Variants in HOOK3 observed in about 807,000 individuals in gnomAD.
HOOK3 encodes the protein hook microtubule tethering protein 3, also known as protein Hook homolog 3.
A neutral mutation model predicts 116.3 loss-of-function variants in HOOK3; 24 were observed. That is an observed-to-expected ratio of 0.21 (90% confidence interval 0.15 to 0.29). The LOEUF is 0.29. Ranked by LOEUF, HOOK3 falls within the 10% of genes least tolerant of loss-of-function variation. The pLI is 1.00. For missense variants in HOOK3, 632 were observed against 830.2 expected (o/e 0.76, Z 2.93); for synonymous variants, 275 against 283.0 (o/e 0.97, Z 0.28).
intron 2 of HOOK3, among the ~76,000 whole-genome samples, chr8:42,920,288 C>CCATT (rs1322259834): frequency 6.6e-6 from 1 of 152,138 alleles, no homozygotes; most frequent in Non-Finnish European, 1.5e-5. Context: ...GAGCCTGCGA[C>CCATT]CATTAATTAA....
intron 15 of HOOK3, among the ~76,000 whole-genome samples, chr8:42,994,212 C>T (rs1405923497): frequency 6.6e-6 from 1 of 152,170 alleles, no homozygotes; most frequent in Non-Finnish European, 1.5e-5. Flanking sequence ...GATGGAGTTT[C>T]ACCATGTTGG....
At chr8:42,912,218 T>C (rs576232566) in intron 2 of HOOK3, among the ~76,000 whole-genome samples, 60 of 152,352 alleles carry the variant, frequency 3.9e-4, no homozygotes, top group African/African-American at 1.3e-3. Context: ...TACATCATTT[T>C]GTAGTTTTAG....
chr8:42,973,512 C>T, intron 12 of HOOK3, 113 bp downstream of exon 12: 1 of 680,146 alleles, frequency 1.5e-6, no homozygotes, highest in Non-Finnish European at 2.3e-6. Flanking sequence ...AATTAGAAAT[C>T]CTATTTATTT....
intron 5 of HOOK3, among the ~76,000 whole-genome samples, chr8:42,945,013 A>G (rs948287527): frequency 1.3e-5 from 2 of 152,242 alleles, no homozygotes; most frequent in African/African-American, 4.8e-5. Flanking sequence ...TTGAAATATG[A>G]GATTAAGAGC....
intron 4 of HOOK3, among the ~76,000 whole-genome samples, chr8:42,938,763 G>A (rs1482488879): frequency 6.6e-6 from 1 of 151,724 alleles, no homozygotes; most frequent in Non-Finnish European, 1.5e-5. Flanking sequence ...GTTTCTCGCA[G>A]AGGGGGATTT....
In HOOK3 at chr8:42,938,759, C is replaced by T. The variant is rs971275960; in HGVS notation, c.268-4554C>T. Among the ~76,000 whole-genome samples the T allele has an allele frequency of 4.6e-5, 7 of 151,242 alleles. No homozygotes were observed. In the East Asian group the frequency reaches 5.8e-4, roughly 13 times the overall value. On this transcript the variant is annotated intron_variant, in intron 4 of 21. Coordinates refer to ENST00000307602, the MANE Select transcript of HOOK3 (RefSeq NM_032410.4). ...TTATTGATCATTCTTGGGTGTTTCT[C>T]GCAGAGGGGGATTTGGCAGGGTCAC...
intron 3 of HOOK3, among the ~76,000 whole-genome samples, chr8:42,928,300 A>T (rs914594717): frequency 4.7e-5 from 7 of 148,132 alleles, no homozygotes; most frequent in Non-Finnish European, 1.0e-4. Context: ...AGAAAAACAA[A>T]ATTAGTCAGG....
chr8:43,020,971 G>A lies in HOOK3; in HGVS notation c.*2473G>A. ...CAAACAATTAGCCAGGCATGGTGGT[G>A]TGTGCCTGTAGTCCCAGCTACTTGG... On this transcript the variant is annotated 3_prime_UTR_variant, in exon 22 of 22. Coordinates refer to ENST00000307602, the MANE Select transcript of HOOK3 (RefSeq NM_032410.4). The A allele has an allele frequency of 5.7e-6, 1 of 176,930 alleles. No homozygotes were observed. Among genetic ancestry groups the A allele is most frequent in the Non-Finnish European group, 1.2e-5 (1 of 82,806 alleles). 11.0% of individuals were successfully genotyped at this position (176,930 alleles called of 1,614,324 possible).
rs192482485 is a variant in HOOK3 at position 42,979,633 on chromosome 8, C to T, written c.1322-2994C>T. ...TTCATTTCACCTCCTAGCCCTCTCT[C>T]TGTTTTCTTATTAATCAGCTCTCTT... On this transcript the variant is annotated intron_variant, in intron 13 of 21. Transcript: ENST00000307602. 3.6e-3 allele frequency among the ~76,000 whole-genome samples: 541 copies of T among 152,274 alleles called. 4 individuals carry two copies. Among genetic ancestry groups the T allele is most frequent in the South Asian group, 8.1e-3 (39 of 4,828 alleles).
intron 19 of HOOK3, among the ~76,000 whole-genome samples, chr8:43,011,055 C>G (rs1252887652): frequency 6.6e-6 from 1 of 151,700 alleles, no homozygotes; most frequent in Non-Finnish European, 1.5e-5. Flanking sequence ...TACAGTGGCA[C>G]GATCTTGGCT....
intron 6 of HOOK3, among the ~76,000 whole-genome samples, chr8:42,956,267 A>G (rs1808434938): frequency 8.1e-6 from 1 of 123,386 alleles, no homozygotes; most frequent in Non-Finnish European, 1.8e-5. Flanking sequence ...TGTGTGTGTT[A>G]TCATTAAACA....
At chr8:42,960,735 G>A (rs1808519882) in intron 8 of HOOK3, among the ~76,000 whole-genome samples, 1 of 152,148 alleles carries the variant, frequency 6.6e-6, no homozygotes, top group Admixed American at 6.6e-5. Context: ...GTCAGGCACT[G>A]GGATGCATCA....
intron 14 of HOOK3, among the ~76,000 whole-genome samples, chr8:42,986,221 C>T (rs1339778525): frequency 1.3e-5 from 2 of 152,126 alleles, no homozygotes; most frequent in Non-Finnish European, 2.9e-5. Flanking sequence ...TTTAATTTTA[C>T]ATATTTCAGG....
intron 4 of HOOK3, among the ~76,000 whole-genome samples, chr8:42,933,468 T>C (rs555354092): frequency 6.6e-6 from 1 of 152,318 alleles, no homozygotes; most frequent in African/African-American, 2.4e-5. Flanking sequence ...TATTAACATT[T>C]CTGCAGCAAA....
chr8:42,897,691 G>A (rs1482375762), intron 1 of HOOK3, among the ~76,000 whole-genome samples: 1 of 152,276 alleles, frequency 6.6e-6, no homozygotes, highest in South Asian at 2.1e-4. Context: ...GAGGCGTCGG[G>A]CAGACGTTTA....
chr8:42,930,301 A>G (rs1807849854), intron 4 of HOOK3, 129 bp downstream of exon 4: 3 of 799,270 alleles, frequency 3.8e-6, no homozygotes, highest in Non-Finnish European at 5.4e-6. Context: ...TATAGTTTCT[A>G]TAATAGGATG....
intron 18 of HOOK3, among the ~76,000 whole-genome samples, chr8:43,008,297 C>T (rs1809532827): frequency 6.6e-6 from 1 of 152,046 alleles, no homozygotes; most frequent in Non-Finnish European, 1.5e-5. Context: ...AGATTACAGA[C>T]ATGAGCCACT....
chr8:42,995,151 C>T (rs1257327815), intron 15 of HOOK3, among the ~76,000 whole-genome samples: 1 of 152,124 alleles, frequency 6.6e-6, no homozygotes, highest in East Asian at 1.9e-4. Context: ...TAAATTTTTA[C>T]TGTGATCCTT....
chr8:42,922,118 A>G (rs1807668109), intron 2 of HOOK3, among the ~76,000 whole-genome samples: 1 of 152,186 alleles, frequency 6.6e-6, no homozygotes, highest in Non-Finnish European at 1.5e-5. Flanking sequence ...ATAGACCTAA[A>G]TATAAGAGCT....
Sources: gnomAD v4.1 joint callset for allele counts (sites outside exome capture counted in the v4.1 genomes callset) on GRCh38, gnomAD v4.1.1 for gene constraint, MANE v1.5 for transcripts, NCBI Gene and HGNC (gene_info 2026-07-23, HGNC 2026-07-21) for gene names.